Variants in CDIN1 observed in about 807,000 individuals in gnomAD.
CDIN1 encodes the protein CDAN1 interacting nuclease 1, also known as CDAN1-interacting nuclease 1.
In CDIN1, 33 loss-of-function variants were observed where a neutral mutation model predicts 45.3. That is an observed-to-expected ratio of 0.73 (90% CI 0.55 to 0.97). The LOEUF (loss-of-function observed/expected upper bound fraction) is 0.97, where lower values mean the gene tolerates loss of function less well. Among genes scored for constraint, CDIN1 ranks in the 50% least tolerant of loss-of-function variants. The pLI, the probability that CDIN1 is intolerant of heterozygous loss-of-function variation, is 0.00. For synonymous variants in CDIN1, 118 were observed against 124.4 expected, an observed-to-expected ratio of 0.95 and a Z score of 0.34; for missense variants, 303 against 339.4, an observed-to-expected ratio of 0.89 and a Z score of 0.84.
intron 8 of CDIN1, chr15:36,707,972 CCTTCAAAAT>C (rs2042929666): frequency 6.6e-6 from 1 of 150,916 alleles, no homozygotes; most frequent in Non-Finnish European, 1.5e-5. Flanking sequence ...TGGCACCAAT[CCTTCAAAAT>C]CTAGACAGCT....
chr15:36,716,240 G>A (rs1017544426), intron 10 of CDIN1, among the ~76,000 whole-genome samples: 4 of 152,126 alleles, frequency 2.6e-5, no homozygotes, highest in African/African-American at 9.7e-5. Context: ...CAATTGTTGA[G>A]AGAATGACTT....
At chr15:36,750,980 G>A (rs1394004156) in intron 10 of CDIN1, among the ~76,000 whole-genome samples, 3 of 151,800 alleles carry the variant, frequency 2.0e-5, no homozygotes, top group Admixed American at 6.6e-5. Flanking sequence ...TTGCTAATGT[G>A]AACTGCCAAA....
At chr15:36,645,183 T>C (rs2040260371) in intron 2 of CDIN1, 40 bp from the exon 3 acceptor site, 2 of 1,467,956 alleles carry the variant, frequency 1.4e-6, no homozygotes, top group Non-Finnish European at 1.9e-6. Flanking sequence ...ATCTGTGACA[T>C]ATCAAAGATT....
chr15:36,779,048 C>T (rs141860453), intron 10 of CDIN1, among the ~76,000 whole-genome samples: 1 of 152,186 alleles, frequency 6.6e-6, no homozygotes, highest in African/African-American at 2.4e-5. Context: ...TTACACAAAG[C>T]CAGTCTTGAT....
intron 1 of CDIN1, chr15:36,641,364 G>A (rs2040098039): frequency 6.6e-6 from 1 of 152,398 alleles, no homozygotes; most frequent in Admixed American, 6.5e-5. Context: ...CACAGTGCTA[G>A]TTTTTTCTTC....
intron 10 of CDIN1, among the ~76,000 whole-genome samples, chr15:36,771,288 A>C (rs905218171): frequency 6.6e-6 from 1 of 152,212 alleles, no homozygotes; most frequent in African/African-American, 2.4e-5. Flanking sequence ...CCACCATGGC[A>C]CATGTATACC....
chr15:36,751,815 C>T (rs1425641111), intron 10 of CDIN1, among the ~76,000 whole-genome samples: 2 of 152,056 alleles, frequency 1.3e-5, no homozygotes, highest in African/African-American at 2.4e-5. Flanking sequence ...TACTATGCAG[C>T]CATAAAAAGG....
intron 1 of CDIN1, among the ~76,000 whole-genome samples, chr15:36,597,740 A>G (rs1459675961): frequency 1.3e-5 from 2 of 152,174 alleles, no homozygotes; most frequent in Non-Finnish European, 2.9e-5. Flanking sequence ...TTGCAATACA[A>G]TATTATATGG....
rs371378932 is a variant in CDIN1 at position 36,613,494 on chromosome 15, A to T, written c.102-30784A>T. 5.2e-6 allele frequency: 8 copies of T among 1,548,964 alleles called. No homozygotes were observed. The African/African-American group carries it at 9.5e-5, about 18-fold the overall frequency. ...ACCATGGCTGGGATCACCACCATCAAGGCGGTGAAGCGCAAGATCCAGGTT... is the reference window on the plus strand; with the variant it reads ...ACCATGGCTGGGATCACCACCATCATGGCGGTGAAGCGCAAGATCCAGGTT... On this transcript the variant is annotated intron_variant, in intron 1 of 10. Transcript: ENST00000566621.
At chr15:36,696,840 A>G (rs1283638144) in intron 7 of CDIN1, among the ~76,000 whole-genome samples, 1 of 151,748 alleles carries the variant, frequency 6.6e-6, no homozygotes, top group Non-Finnish European at 1.5e-5. Context: ...TGCTGGACAC[A>G]GTGGCTCATG....
Position 36,687,142 on chromosome 15 carries a change from GAA to G in CDIN1, c.347-4540_347-4539del, listed in dbSNP as rs541813167. 2.8e-4 allele frequency among the ~76,000 whole-genome samples: 43 copies of G among 152,120 alleles called. No homozygotes were observed. The South Asian group carries it at 8.3e-3, about 29-fold the overall frequency. On this transcript the variant is annotated intron_variant, in intron 5 of 10. Transcript: ENST00000566621. ...AACTTAATTAACTAGAAGGTAGGGA[GAA>G]AAGAGGAGAAAGAAAGAGAATGATC...
At chr15:36,762,954 C>T (rs1327549963) in intron 10 of CDIN1, among the ~76,000 whole-genome samples, 7 of 152,044 alleles carry the variant, frequency 4.6e-5, no homozygotes, top group Non-Finnish European at 8.8e-5. Flanking sequence ...AATAAACATA[C>T]GTGTGCATGT....
chr15:36,699,894 C>A (rs992724658), intron 8 of CDIN1, among the ~76,000 whole-genome samples: 1 of 152,118 alleles, frequency 6.6e-6, no homozygotes, highest in Admixed American at 6.6e-5. Flanking sequence ...TTAAACTTAT[C>A]CAATTTGTAC....
chr15:36,642,673 T>A (rs1236332367), intron 1 of CDIN1, among the ~76,000 whole-genome samples: 5 of 152,252 alleles, frequency 3.3e-5, no homozygotes, highest in Admixed American at 6.5e-5. Flanking sequence ...AACTGCCTCT[T>A]CCCATTCTGG....
chr15:36,688,317 G>A (rs1239563346), intron 5 of CDIN1, among the ~76,000 whole-genome samples: 1 of 151,766 alleles, frequency 6.6e-6, no homozygotes, highest in Non-Finnish European at 1.5e-5. Context: ...TGCAGACGTA[G>A]AAGTTAGGTC....
chr15:36,581,564 T>C (rs2037046640), intron 1 of CDIN1, among the ~76,000 whole-genome samples: 1 of 152,208 alleles, frequency 6.6e-6, no homozygotes, highest in Non-Finnish European at 1.5e-5. Flanking sequence ...GAACTACTAA[T>C]CCGCAAAAGA....
chr15:36,657,897 A>G lies in CDIN1; in HGVS notation c.338A>G (p.Glu113Gly). ...ILERFLQEHE[E>G]TPPSKSIINS... ...GAGAGGTTTCTACAGGAACACGAGG[A>G]AACTCCACGTGAGTTACCCTTTTTT... Residue 113 changes from glutamate (E) to glycine (G), a missense_variant, in exon 5 of 11, where the codon GAA becomes GGA. Coordinates refer to ENST00000566621, the MANE Select transcript of CDIN1 (RefSeq NM_001321759.2). 6.2e-7 allele frequency: 1 copy of G among 1,611,098 alleles called. No homozygotes were observed. The highest frequency in any genetic ancestry group is 1.1e-5 in the South Asian group (1 of 90,408).
chr15:36,589,800 G>A (rs115939461), intron 1 of CDIN1, among the ~76,000 whole-genome samples: 10,339 of 152,180 alleles, frequency 0.068, 526 homozygotes, highest in African/African-American at 0.14. Flanking sequence ...CACCGCTCCC[G>A]GCCAACAGTT....
At chr15:36,624,741 A>G (rs2039342198) in intron 1 of CDIN1, among the ~76,000 whole-genome samples, 1 of 152,180 alleles carries the variant, frequency 6.6e-6, no homozygotes, top group South Asian at 2.1e-4. Context: ...ACAGGGAAAA[A>G]GTATGAGATT....
Sources: allele counts gnomAD v4.1 joint callset (sites outside exome capture counted in the v4.1 genomes callset), GRCh38; gene constraint gnomAD v4.1.1; transcripts MANE v1.5; gene names NCBI Gene and HGNC (gene_info 2026-07-23, HGNC 2026-07-21).